Variants in PTGFRN observed in about 807,000 individuals in gnomAD.
PTGFRN encodes prostaglandin F2 receptor negative regulator.
A neutral mutation model predicts 83.2 loss-of-function variants in PTGFRN; 35 were observed. The observed-to-expected ratio is 0.42, with a 90% CI of 0.32 to 0.56. The LOEUF (loss-of-function observed/expected upper bound fraction) is 0.56, where lower values mean the gene tolerates loss of function less well. Ranked by LOEUF, PTGFRN falls within the 20% of genes least tolerant of loss-of-function variation. PTGFRN has a pLI of 0.11. For missense variants in PTGFRN, 1,051 were observed against 1,179.5 expected (o/e 0.89, Z 1.60); for synonymous variants, 519 against 498.6 (o/e 1.04, Z -0.55).
intron 7 of PTGFRN, among the ~76,000 whole-genome samples, chr1:116,978,387 C>G (rs1406780862): frequency 6.6e-6 from 1 of 152,150 alleles, no homozygotes; most frequent in Non-Finnish European, 1.5e-5. Context: ...CCAGCATCAT[C>G]CTGATACCAA....
chr1:116,924,240 C>A (rs1215880236), intron 1 of PTGFRN, among the ~76,000 whole-genome samples: 1 of 151,260 alleles, frequency 6.6e-6, no homozygotes, highest in East Asian at 1.9e-4. Flanking sequence ...CTCCGCCTCC[C>A]AGGTTCAAGC....
In PTGFRN at chr1:116,988,031, T is replaced by A. The variant is rs796675678; in HGVS notation, c.*1064T>A. On this transcript the variant is annotated 3_prime_UTR_variant, in exon 9 of 9. Transcript: ENST00000393203. ...TGCAGGGGGACCCACAGATATGCCA[T>A]GTCCTTCACACGTGCTTGGGCTCCT... 20 of 152,348 alleles carry A rather than the reference T, an allele frequency of 1.3e-4. No individual in the cohort carries two copies. Among genetic ancestry groups the A allele is most frequent in the African/African-American group, 4.8e-4 (20 of 41,574 alleles). The allele number at this position is 152,348 out of a possible 1,614,324, so 9.4% of individuals were successfully genotyped here.
At chr1:116,970,998 A>T (rs931854753) in intron 6 of PTGFRN, among the ~76,000 whole-genome samples, 31 of 152,264 alleles carry the variant, frequency 2.0e-4, no homozygotes, top group Admixed American at 7.9e-4. Context: ...AGAATAATAA[A>T]TTTTTTTCTT....
chr1:116,925,229 A>G (rs529425352), intron 1 of PTGFRN, among the ~76,000 whole-genome samples: 4 of 151,992 alleles, frequency 2.6e-5, no homozygotes, highest in Non-Finnish European at 5.9e-5. Flanking sequence ...GAAGTTCGAG[A>G]CCACCCTGGC....
intron 4 of PTGFRN, among the ~76,000 whole-genome samples, chr1:116,956,246 A>G (rs1650489169): frequency 6.6e-6 from 1 of 152,194 alleles, no homozygotes; most frequent in South Asian, 2.1e-4. Context: ...GAATCCACTT[A>G]TTTTTGTTTG....
intron 1 of PTGFRN, among the ~76,000 whole-genome samples, chr1:116,926,286 G>C (rs17036564): frequency 0.022 from 3,349 of 152,326 alleles, 124 homozygotes; most frequent in African/African-American, 0.076. Flanking sequence ...GCTAAAAAGA[G>C]GACCAGGTGT....
chr1:116,986,900 G>A lies in PTGFRN; in HGVS notation c.2573G>A (p.Cys858Tyr). 5.6e-6 allele frequency: 9 copies of A among 1,614,272 alleles called. No homozygotes were observed. The highest frequency in any genetic ancestry group is 7.6e-6 in the Non-Finnish European group (9 of 1,180,046). ...CLIGYCSSHW[C>Y]CKKEVQETRR... The stretch of plus-strand genomic sequence containing the variant: ...ATCGGGTACTGCAGCTCCCACTGGT[G>A]TTGTAAGAAGGAGGTTCAGGAGACA... The change falls in exon 9 of 9, where the codon TGT becomes TAT. Residue 858 changes from cysteine (C) to tyrosine (Y), a missense_variant. Cys to Tyr is a radical substitution (Grantham distance 194). Transcript: ENST00000393203.
At chr1:116,948,666 C>T (rs1382693964) in intron 3 of PTGFRN, among the ~76,000 whole-genome samples, 2 of 152,198 alleles carry the variant, frequency 1.3e-5, no homozygotes, top group African/African-American at 4.8e-5. Context: ...AGCAAGTCTT[C>T]CTTTTCTGTA....
chr1:116,954,190 G>A (rs1650424967), intron 4 of PTGFRN, among the ~76,000 whole-genome samples: 1 of 152,086 alleles, frequency 6.6e-6, no homozygotes. Context: ...GCAGGGCATA[G>A]ATGTTGCATT....
intron 3 of PTGFRN, among the ~76,000 whole-genome samples, chr1:116,945,901 C>G (rs1650190250): frequency 6.6e-6 from 1 of 152,170 alleles, no homozygotes; most frequent in Non-Finnish European, 1.5e-5. Context: ...GTGTGCTCAG[C>G]TCTGTTCTGG....
chr1:116,953,716 G>A (rs986494337), intron 4 of PTGFRN, among the ~76,000 whole-genome samples: 1 of 151,986 alleles, frequency 6.6e-6, no homozygotes, highest in East Asian at 1.9e-4. Flanking sequence ...AAAAGCAGCT[G>A]CTCCTAAGAG....
At chr1:116,932,389 A>G (rs1649822337) in intron 1 of PTGFRN, among the ~76,000 whole-genome samples, 1 of 152,234 alleles carries the variant, frequency 6.6e-6, no homozygotes. Context: ...TGAGTATTCC[A>G]GAGGTAGGGA....
chr1:116,945,428 T>C (rs1175165604), intron 3 of PTGFRN, among the ~76,000 whole-genome samples: 1 of 152,192 alleles, frequency 6.6e-6, no homozygotes, highest in Non-Finnish European at 1.5e-5. Context: ...TAGGTAGGAC[T>C]TGGTGTTCAG....
chr1:116,980,563 G>A (rs1393433801), intron 7 of PTGFRN, among the ~76,000 whole-genome samples: 1 of 152,182 alleles, frequency 6.6e-6, no homozygotes, highest in Non-Finnish European at 1.5e-5. Context: ...TAGGGACATG[G>A]ATGAAGCTGG....
At chr1:116,947,079 A>G (rs1038591700) in intron 3 of PTGFRN, among the ~76,000 whole-genome samples, 1 of 152,196 alleles carries the variant, frequency 6.6e-6, no homozygotes, top group East Asian at 1.9e-4. Context: ...TTCCCATCCA[A>G]GTTCACAGAC....
intron 4 of PTGFRN, among the ~76,000 whole-genome samples, chr1:116,950,808 C>G (rs565310939): frequency 5.3e-5 from 8 of 152,250 alleles, no homozygotes; most frequent in Non-Finnish European, 1.2e-4. Context: ...GCAAAGTAAT[C>G]CTTTGATATC....
chr1:116,936,999 T>C (rs752807232), intron 1 of PTGFRN, among the ~76,000 whole-genome samples: 9 of 152,232 alleles, frequency 5.9e-5, no homozygotes, highest in African/African-American at 1.7e-4. Context: ...GGAGAAAATT[T>C]GGCAGGAGCA....
At position 116,988,420 on chromosome 1, in the gene PTGFRN, C is replaced by G. The variant is rs907516134; in HGVS notation, c.*1453C>G. ...GCCTCCCGCTCCCTGAAGTGTCTCG[C>G]CCCCTGCACAGCACTGGCCTTTCGG... On this transcript the variant is annotated 3_prime_UTR_variant, in exon 9 of 9. Transcript: ENST00000393203. 3 of 152,674 alleles carry G rather than the reference C, an allele frequency of 2.0e-5. No homozygotes were observed. Among genetic ancestry groups the G allele is most frequent in the African/African-American group, 7.2e-5 (3 of 41,428 alleles). The allele number at this position is 152,674 out of a possible 1,614,324, so 9.5% of individuals were successfully genotyped here. A position where few individuals can be genotyped will look rare whatever the true frequency, so the allele number is the denominator to read the frequency against.
rs1308137988 is a variant in PTGFRN, at chr1:116,988,505, C to CT, written c.*1539dup. The CT allele has an allele frequency of 6.5e-6, 1 of 152,704 alleles. No homozygotes were observed. The highest frequency in any genetic ancestry group is 2.4e-5 in the African/African-American group (1 of 41,440). The allele number at this position is 152,704 out of a possible 1,614,324, so 9.5% of individuals were successfully genotyped here. The stretch of plus-strand genomic sequence containing the variant: ...TGACTCATGCCCTAATTGCAATCCT[C>CT]TGCTTTTATCTTGACTTTGAAGGAT... On this transcript the variant is annotated 3_prime_UTR_variant, in exon 9 of 9. Transcript: ENST00000393203.
Sources: gnomAD v4.1 joint callset for allele counts (sites outside exome capture counted in the v4.1 genomes callset) on GRCh38, gnomAD v4.1.1 for gene constraint, MANE v1.5 for transcripts, NCBI Gene and HGNC (gene_info 2026-07-23, HGNC 2026-07-21) for gene names.